The following PYGB variants were observed in gnomAD, a reference collection of about 807,000 sequenced individuals.
The protein encoded by PYGB is glycogen phosphorylase, brain form.
Under a neutral mutation model 94.3 loss-of-function variants are expected in PYGB, and 82 were observed. The ratio of observed to expected loss-of-function variants is 0.87; its 90% CI spans 0.73 to 1.04. The LOEUF (loss-of-function observed/expected upper bound fraction) is 1.04. PYGB is among the 50% of genes least tolerant of loss of function. PYGB has a pLI of 0.00. For missense variants in PYGB, 1,132 were observed against 1,158.2 expected, an observed-to-expected ratio of 0.98 and a Z score of 0.33; for synonymous variants, 488 against 479.1, an observed-to-expected ratio of 1.02 and a Z score of -0.24.
intron 2 of PYGB, among the ~76,000 whole-genome samples, chr20:25,264,717 A>G (rs904634230): frequency 2.0e-5 from 3 of 152,198 alleles, no homozygotes; most frequent in African/African-American, 7.2e-5. Flanking sequence ...TCCAACTTAC[A>G]AGGGATGTGA....
At chr20:25,274,260 T>C (rs2088291193) in intron 4 of PYGB, among the ~76,000 whole-genome samples, 1 of 152,228 alleles carries the variant, frequency 6.6e-6, no homozygotes, top group Non-Finnish European at 1.5e-5. Flanking sequence ...TAGCCTCGTG[T>C]GATGCGTGGT....
At chr20:25,275,500 G>A (rs138010236) in intron 5 of PYGB, among the ~76,000 whole-genome samples, 79 of 152,354 alleles carry the variant, frequency 5.2e-4, no homozygotes, top group African/African-American at 1.8e-3. Flanking sequence ...TGGAGGCTGG[G>A]TGGTCACTGG....
At chr20:25,279,398 G>A (rs1311104250) in intron 9 of PYGB, among the ~76,000 whole-genome samples, 1 of 152,176 alleles carries the variant, frequency 6.6e-6, no homozygotes, top group Non-Finnish European at 1.5e-5. Context: ...AGGGTTTCCC[G>A]TTGGTGCATT....
chr20:25,255,518 G>T (rs1361279961), intron 1 of PYGB, among the ~76,000 whole-genome samples: 1 of 152,244 alleles, frequency 6.6e-6, no homozygotes, highest in African/African-American at 2.4e-5. Flanking sequence ...TGTCCATAGT[G>T]CCTGGGTGGC....
intron 1 of PYGB, 33 bp downstream of exon 1, chr20:25,248,454 C>T: frequency 1.5e-6 from 2 of 1,337,480 alleles, no homozygotes; most frequent in South Asian, 3.8e-5. Flanking sequence ...GCGCCCGTGC[C>T]CGCTGAGAGG....
In PYGB at chr20:25,259,288, A is replaced by AGAATGCCTG; in HGVS notation, c.295_296insGAATGCCTG (p.Thr99delinsArgMetProAla). 1 of 1,612,752 alleles carries AGAATGCCTG rather than the reference A, an allele frequency of 6.2e-7. No individual in the cohort carries two copies. The highest frequency in any genetic ancestry group is 1.1e-5 in the South Asian group (1 of 91,048). ...CTACATGGGTCGCACGCTGCAGAAC[A>AGAATGCCTG]CGATGGTGAACCTGGGCCTTCAGAA... is the stretch of plus-strand genomic sequence containing the variant. On this transcript the variant is annotated protein_altering_variant, in exon 2 of 20. Coordinates refer to ENST00000216962, the MANE Select transcript of PYGB (RefSeq NM_002862.4).
At chr20:25,290,170 T>C (rs1210625819) in intron 15 of PYGB, among the ~76,000 whole-genome samples, 3 of 152,352 alleles carry the variant, frequency 2.0e-5, no homozygotes, top group Admixed American at 6.5e-5. Context: ...AGTTCTCTGT[T>C]TCCTGTCAGT....
At chr20:25,281,167 G>A (rs1271952253) in intron 11 of PYGB, 55 bp downstream of exon 11, 18 of 1,591,462 alleles carry the variant, frequency 1.1e-5, no homozygotes, top group Admixed American at 3.4e-5. Flanking sequence ...CCAGGCCTGC[G>A]TCTAGGACCA....
chr20:25,289,078 G>A (rs758718128), intron 15 of PYGB, among the ~76,000 whole-genome samples: 3 of 152,182 alleles, frequency 2.0e-5, no homozygotes, highest in Non-Finnish European at 4.4e-5. Flanking sequence ...AGGCACCCCA[G>A]CCCTCCACGG....
At chr20:25,264,821 G>A (rs1007203437) in intron 2 of PYGB, among the ~76,000 whole-genome samples, 12 of 152,196 alleles carry the variant, frequency 7.9e-5, no homozygotes, top group African/African-American at 2.9e-4. Flanking sequence ...TGGATAGGAA[G>A]AATCAATATC....
chr20:25,276,475 C>T (rs773278267), intron 5 of PYGB, among the ~76,000 whole-genome samples, 171 bp from the exon 6 acceptor site: 48 of 150,618 alleles, frequency 3.2e-4, no homozygotes, highest in African/African-American at 1.1e-3. Flanking sequence ...AGGGCGTGGA[C>T]GGAGACTGTG....
chr20:25,288,534 T>TG, intron 15 of PYGB, 51 bp downstream of exon 15: 1 of 1,589,370 alleles, frequency 6.3e-7, no homozygotes, highest in Non-Finnish European at 8.6e-7. Flanking sequence ...CTGGGGATAG[T>TG]GGGTGGGCAG....
chr20:25,292,782 A>C (rs1401909359), intron 17 of PYGB, among the ~76,000 whole-genome samples, 169 bp downstream of exon 17: 2 of 152,138 alleles, frequency 1.3e-5, no homozygotes, highest in South Asian at 2.1e-4. Context: ...TTCCAGGTGC[A>C]TGGAATGGAC....
In PYGB at chr20:25,269,352, G is replaced by C. The variant is rs1215805374; in HGVS notation, c.424+145G>C. The C allele has an allele frequency of 5.0e-6, 3 of 603,030 alleles. No homozygotes were observed. The Admixed American group carries it at 1.1e-4, about 21-fold the overall frequency. The allele number at this position is 603,030 out of a possible 1,614,324, so 37.4% of individuals were successfully genotyped here. A position where few individuals can be genotyped will look rare whatever the true frequency, so the allele number is the denominator to read the frequency against. ...AGTGTGTTCTTCAGATTGAAATCTT[G>C]CCACTAGTGGGGGGAAAGGGGGAAA... On this transcript the variant is annotated intron_variant, in intron 3 of 19. Coordinates refer to ENST00000216962, the MANE Select transcript of PYGB (RefSeq NM_002862.4).
intron 2 of PYGB, among the ~76,000 whole-genome samples, chr20:25,266,489 A>G (rs1045667108): frequency 1.3e-5 from 2 of 152,166 alleles, no homozygotes; most frequent in Non-Finnish European, 2.9e-5. Flanking sequence ...TTGGATTAGA[A>G]TGATTTCTTA....
chr20:25,278,792 C>A (rs1035013544), intron 8 of PYGB, among the ~76,000 whole-genome samples: 1 of 152,226 alleles, frequency 6.6e-6, no homozygotes, highest in Non-Finnish European at 1.5e-5. Flanking sequence ...CGGCTCCTCC[C>A]CTCCGGCTGC....
Position 25,277,261 on chromosome 20 carries a change from A to C in PYGB, c.790A>C (p.Ile264Leu), listed in dbSNP as rs1403463758. 5 of 1,574,610 alleles carry C rather than the reference A, an allele frequency of 3.2e-6. No individual in the cohort carries two copies. Among genetic ancestry groups the C allele is most frequent in the Admixed American group, 1.7e-5 (1 of 59,934 alleles). ...KLQDFNVGDY[I>L]EAVLDRNLAE... Reference sequence around the variant, plus strand: ...CTTCTTAGTCAACGTGGGAGACTACATCGAGGCGGTCCTGGACCGGAACTT... The same window carrying C: ...CTTCTTAGTCAACGTGGGAGACTACCTCGAGGCGGTCCTGGACCGGAACTT... Residue 264 changes from isoleucine to leucine, a missense_variant, in exon 7 of 20, where the codon ATC becomes CTC. Transcript: ENST00000216962.
chr20:25,255,579 G>C (rs1443214970), intron 1 of PYGB, among the ~76,000 whole-genome samples: 1 of 152,234 alleles, frequency 6.6e-6, no homozygotes, highest in South Asian at 2.1e-4. Context: ...GTAGGAACCA[G>C]TAGAGGGCGG....
intron 2 of PYGB, among the ~76,000 whole-genome samples, chr20:25,267,521 T>G (rs2088228388): frequency 2.2e-5 from 3 of 136,350 alleles, no homozygotes; most frequent in Admixed American, 2.2e-4. Flanking sequence ...CTTTGTCAGC[T>G]ACTTTTTGTG....
Sources: allele counts gnomAD v4.1 joint callset (sites outside exome capture counted in the v4.1 genomes callset), GRCh38; gene constraint gnomAD v4.1.1; transcripts MANE v1.5; gene names NCBI Gene and HGNC (gene_info 2026-07-23, HGNC 2026-07-21).